Variants in OSTF1 observed in about 807,000 individuals in gnomAD.
OSTF1 encodes osteoclast stimulating factor 1, also known as osteoclast-stimulating factor 1.
In OSTF1, 27 loss-of-function variants were observed where a neutral mutation model predicts 37.2. That is an observed-to-expected ratio of 0.73 (90% CI 0.54 to 1.00). The LOEUF (loss-of-function observed/expected upper bound fraction) is 1.00, where lower values mean the gene tolerates loss of function less well. Ranked by LOEUF, OSTF1 falls within the 50% of genes least tolerant of loss-of-function variation. The probability of loss-of-function intolerance (pLI) is 0.00; values close to 1 mark genes in which losing one functional copy is unlikely to be tolerated. For synonymous variants in OSTF1, 82 were observed against 89.2 expected, an observed-to-expected ratio of 0.92 and a Z score of 0.46; for missense variants, 232 against 253.8, an observed-to-expected ratio of 0.91 and a Z score of 0.58.
At chr9:75,099,017 A>C (rs1587438532) in intron 1 of OSTF1, among the ~76,000 whole-genome samples, 1 of 151,612 alleles carries the variant, frequency 6.6e-6, no homozygotes, top group East Asian at 2.0e-4. Flanking sequence ...GCTCACTGCA[A>C]CCTCCGCCTC....
chr9:75,130,442 G>A (rs1469808168), intron 3 of OSTF1, 136 bp from the exon 4 acceptor site: 7 of 633,308 alleles, frequency 1.1e-5, no homozygotes, highest in African/African-American at 7.2e-5. Flanking sequence ...CAGCTAGGGC[G>A]TGAGGAAGCT....
Position 75,127,583 on chromosome 9 carries a change from C to T in OSTF1, c.96C>T (p.Tyr32=). 1.3e-6 allele frequency: 2 copies of T among 1,574,570 alleles called. No individual in the cohort carries two copies. The highest frequency in any genetic ancestry group is 1.7e-6 in the Non-Finnish European group (2 of 1,156,084). The change falls in exon 3 of 10, where the codon TAC becomes TAT. Residue 32 remains tyrosine (Y), a synonymous_variant. Transcript: ENST00000346234. Reference sequence around the variant, plus strand: ...TTTTCTTCTAGCCAGATGAATTATACTTTGAGGAAGGTGATATTATCTACA... The same window carrying T: ...TTTTCTTCTAGCCAGATGAATTATATTTTGAGGAAGGTGATATTATCTACA... The part of the protein sequence containing the change: ...TFEPRTPDEL[Y]FEEGDIIYIT...
At chr9:75,112,978 C>T (rs1316859212) in intron 1 of OSTF1, among the ~76,000 whole-genome samples, 1 of 152,056 alleles carries the variant, frequency 6.6e-6, no homozygotes, top group African/African-American at 2.4e-5. Flanking sequence ...CCTGGCAGCT[C>T]CTCCTTCCGC....
intron 2 of OSTF1, among the ~76,000 whole-genome samples, chr9:75,123,370 G>T (rs921485576): frequency 6.6e-6 from 1 of 152,194 alleles, no homozygotes; most frequent in East Asian, 1.9e-4. Flanking sequence ...CCTGCAGAGA[G>T]CCGAGATCGT....
intron 6 of OSTF1, 91 bp downstream of exon 6, chr9:75,133,492 G>A (rs1367145385): frequency 9.2e-6 from 7 of 760,932 alleles, no homozygotes; most frequent in South Asian, 8.0e-5. Flanking sequence ...GAAAGGAAAA[G>A]CATTGGCTAT....
At chr9:75,122,983 A>G (rs11144241) in intron 2 of OSTF1, among the ~76,000 whole-genome samples, 9,298 of 152,302 alleles carry the variant, frequency 0.061, 322 homozygotes, top group South Asian at 0.11. Context: ...ATGCCTTGGG[A>G]ATTATATGTT....
chr9:75,127,569 C>A lies in OSTF1; in HGVS notation c.82C>A (p.Pro28Thr). Residue 28 changes from proline (P) to threonine (T), a missense_variant and splice_region_variant, in exon 3 of 10, where the codon CCA becomes ACA. Physicochemically the swap from Pro to Thr is conservative, Grantham distance 38. Transcript: ENST00000346234. ...RALYTFEPRTPDELYFEEGDI... is the reference protein window; with the variant it reads ...RALYTFEPRTTDELYFEEGDI... Reference sequence around the variant, plus strand: ...AGTCAAACTTTTTTTTTTCTTCTAGCCAGATGAATTATACTTTGAGGAAGG... The same window carrying A: ...AGTCAAACTTTTTTTTTTCTTCTAGACAGATGAATTATACTTTGAGGAAGG... 6.4e-7 allele frequency: 1 copy of A among 1,560,420 alleles called. No individual in the cohort carries two copies. The highest frequency in any genetic ancestry group is 2.3e-5 in the East Asian group (1 of 43,362).
At chr9:75,119,003 C>T (rs920475596) in intron 2 of OSTF1, among the ~76,000 whole-genome samples, 23 of 152,152 alleles carry the variant, frequency 1.5e-4, no homozygotes, top group African/African-American at 4.3e-4. Context: ...GCTTGCTGCC[C>T]GCTTCACCTG....
chr9:75,123,855 C>G (rs987005812), intron 2 of OSTF1, among the ~76,000 whole-genome samples: 1 of 152,152 alleles, frequency 6.6e-6, no homozygotes, highest in Admixed American at 6.5e-5. Context: ...AATGGACTGC[C>G]TGTTCTCATT....
chr9:75,130,753 C>G (rs1442979360), intron 4 of OSTF1, 112 bp downstream of exon 4: 2 of 714,260 alleles, frequency 2.8e-6, no homozygotes, highest in Non-Finnish European at 5.2e-6. Flanking sequence ...CATTGTCAGT[C>G]TAGGACATTT....
chr9:75,090,676 A>G (rs1331679137), intron 1 of OSTF1, among the ~76,000 whole-genome samples: 1 of 150,384 alleles, frequency 6.6e-6, no homozygotes, highest in Non-Finnish European at 1.5e-5. Context: ...TAGTTGAAGA[A>G]AAAAAAAAAG....
At chr9:75,090,248 A>G (rs957231491) in intron 1 of OSTF1, among the ~76,000 whole-genome samples, 3 of 152,022 alleles carry the variant, frequency 2.0e-5, no homozygotes, top group African/African-American at 7.2e-5. Context: ...AAATCTCTTC[A>G]TGCGTATTAA....
intron 1 of OSTF1, among the ~76,000 whole-genome samples, chr9:75,110,832 T>C (rs925037730): frequency 6.6e-6 from 1 of 151,980 alleles, no homozygotes; most frequent in Non-Finnish European, 1.5e-5. Flanking sequence ...CACTTCAGCC[T>C]CCTGAATAGC....
intron 1 of OSTF1, among the ~76,000 whole-genome samples, chr9:75,105,271 A>G (rs1322509315): frequency 6.6e-6 from 1 of 152,128 alleles, no homozygotes; most frequent in Non-Finnish European, 1.5e-5. Flanking sequence ...GTTACTTGCA[A>G]AAAGAGGACT....
At chr9:75,100,797 G>C (rs777834902) in intron 1 of OSTF1, among the ~76,000 whole-genome samples, 1 of 151,884 alleles carries the variant, frequency 6.6e-6, no homozygotes, top group Non-Finnish European at 1.5e-5. Flanking sequence ...GGGCCTTGGC[G>C]TGGCTGAAGG....
At chr9:75,134,300 T>C in intron 6 of OSTF1, 46 bp from the exon 7 acceptor site, 1 of 874,942 alleles carries the variant, frequency 1.1e-6, no homozygotes, top group Non-Finnish European at 1.8e-6. Flanking sequence ...TTTGTCAGGC[T>C]TCTAATTTTC....
intron 7 of OSTF1, among the ~76,000 whole-genome samples, chr9:75,135,006 A>G (rs1825820940): frequency 6.6e-6 from 1 of 151,858 alleles, no homozygotes; most frequent in Non-Finnish European, 1.5e-5. Flanking sequence ...TTCTCCCTGG[A>G]TTCATTACTT....
intron 9 of OSTF1, among the ~76,000 whole-genome samples, chr9:75,141,312 CAAAAAAAAA>C (rs529293090): frequency 9.8e-5 from 7 of 71,680 alleles, no homozygotes; most frequent in East Asian, 5.3e-4. Context: ...AAAAGAAAAC[CAAAAAAAAA>C]AAAAAAAAAA....
intron 2 of OSTF1, among the ~76,000 whole-genome samples, chr9:75,122,365 C>T (rs963546580): frequency 6.6e-6 from 1 of 152,172 alleles, no homozygotes; most frequent in Non-Finnish European, 1.5e-5. Flanking sequence ...CTTCTCTAAG[C>T]CTGGTTGTGA....
Sources: gnomAD v4.1 joint callset for allele counts (sites outside exome capture counted in the v4.1 genomes callset) on GRCh38, gnomAD v4.1.1 for gene constraint, MANE v1.5 for transcripts, NCBI Gene and HGNC (gene_info 2026-07-23, HGNC 2026-07-21) for gene names.